The following ANO10 variants were observed in gnomAD, a reference collection of about 807,000 sequenced individuals.
The protein encoded by ANO10 is anoctamin-10.
A neutral mutation model predicts 74.7 loss-of-function variants in ANO10; 77 were observed. That is an observed-to-expected ratio of 1.03 (90% CI 0.86 to 1.25). The LOEUF is 1.25. Ranked by LOEUF, ANO10 falls within the 50% of genes most tolerant of loss-of-function variation. The pLI, the probability that ANO10 is intolerant of heterozygous loss-of-function variation, is 0.00. For missense variants in ANO10, 721 were observed against 778.1 expected, an observed-to-expected ratio of 0.93 and a Z score of 0.87; for synonymous variants, 279 against 284.9, an observed-to-expected ratio of 0.98 and a Z score of 0.21.
At chr3:43,594,865 G>A (rs1249868763) in intron 4 of ANO10, among the ~76,000 whole-genome samples, 2 of 152,056 alleles carry the variant, frequency 1.3e-5, no homozygotes, top group African/African-American at 4.8e-5. Context: ...TAGACCGCTA[G>A]CAAGACTAAT....
chr3:43,381,283 G>T (rs1002655341), intron 12 of ANO10, among the ~76,000 whole-genome samples: 10 of 152,140 alleles, frequency 6.6e-5, no homozygotes, highest in African/African-American at 2.4e-4. Context: ...GAAGGGAAAA[G>T]AATTCACCAA....
chr3:43,456,775 C>T (rs768559776), intron 11 of ANO10, among the ~76,000 whole-genome samples: 3 of 152,078 alleles, frequency 2.0e-5, no homozygotes, highest in Non-Finnish European at 4.4e-5. Context: ...AAGGTGTCTG[C>T]GACATGAAGC....
At chr3:43,522,835 A>T (rs528693747) in intron 11 of ANO10, among the ~76,000 whole-genome samples, 2 of 152,354 alleles carry the variant, frequency 1.3e-5, no homozygotes, top group South Asian at 4.1e-4. Context: ...CCATTGGCAT[A>T]GCACTGCCAC....
At chr3:43,498,452 C>A (rs1350561851) in intron 11 of ANO10, among the ~76,000 whole-genome samples, 2 of 152,182 alleles carry the variant, frequency 1.3e-5, no homozygotes, top group African/African-American at 4.8e-5. Flanking sequence ...GTGTTACCTA[C>A]CAATTGTGTC....
rs187550221 is a variant in ANO10 at position 43,462,924 on chromosome 3, C to G, written c.1798-30197G>C. Among the ~76,000 whole-genome samples the G allele has an allele frequency of 2.4e-3, 371 of 152,326 alleles. 2 individuals are homozygous for G. The highest frequency in any genetic ancestry group is 0.017 in the Middle Eastern group (5 of 294). ...GCAAGCCCCAAGCCTTGGCACCTTC[C>G]ACGTGGTGTTGAGGCTGTGAGCACA... On this transcript the variant is annotated intron_variant, in intron 11 of 12. Coordinates refer to ENST00000292246, the MANE Select transcript of ANO10 (RefSeq NM_018075.5).
At chr3:43,414,775 T>C (rs1022511552) in intron 12 of ANO10, among the ~76,000 whole-genome samples, 1 of 152,138 alleles carries the variant, frequency 6.6e-6, no homozygotes, top group Admixed American at 6.5e-5. Flanking sequence ...TCTCTAAGCA[T>C]GGAAATATTT....
At chr3:43,528,208 A>C in intron 11 of ANO10, among the ~76,000 whole-genome samples, 1 of 42,142 alleles carries the variant, frequency 2.4e-5, no homozygotes, top group Non-Finnish European at 8.2e-5. Flanking sequence ...GAAAAAAACG[A>C]AAAAAAAAAG....
intron 11 of ANO10, among the ~76,000 whole-genome samples, chr3:43,443,679 C>CTTTT (rs59685910): frequency 6.1e-4 from 74 of 121,990 alleles, no homozygotes; most frequent in African/African-American, 1.7e-3. Context: ...TTCCTTCCTT[C>CTTTT]TTTTTTTTTT....
At chr3:43,548,101 C>G (rs886585916) in intron 11 of ANO10, among the ~76,000 whole-genome samples, 1 of 152,188 alleles carries the variant, frequency 6.6e-6, no homozygotes, top group Non-Finnish European at 1.5e-5. Context: ...TCCACTGTTA[C>G]GGTATTGGTA....
rs140780344 is a variant in ANO10, at chr3:43,477,056, G to A, written c.1798-44329C>T. On this transcript the variant is annotated intron_variant, in intron 11 of 12. Transcript: ENST00000292246. Reference sequence around the variant, plus strand: ...ATAAAGACAAAGAATATACAGAAAAGATCTTCCATCCATTCCTGCTCTGCA... The same window carrying A: ...ATAAAGACAAAGAATATACAGAAAAAATCTTCCATCCATTCCTGCTCTGCA... Among the ~76,000 whole-genome samples the A allele has an allele frequency of 1.1e-3, 162 of 152,204 alleles. 1 individual carries two copies. The highest frequency in any genetic ancestry group is 3.7e-3 in the African/African-American group (153 of 41,528).
At chr3:43,484,468 C>G (rs544653490) in intron 11 of ANO10, among the ~76,000 whole-genome samples, 1 of 152,152 alleles carries the variant, frequency 6.6e-6, no homozygotes, top group African/African-American at 2.4e-5. Flanking sequence ...AAATTCCCCC[C>G]ACAAGAGACA....
upstream of ANO10, among the ~76,000 whole-genome samples, chr3:43,624,019 T>C (rs1469114158): frequency 6.6e-6 from 1 of 152,208 alleles, no homozygotes; most frequent in Non-Finnish European, 1.5e-5. Context: ...CTGGAGGAAT[T>C]AGGAAGAAAA....
At chr3:43,567,441 G>A (rs949441180) in intron 7 of ANO10, among the ~76,000 whole-genome samples, 2 of 152,004 alleles carry the variant, frequency 1.3e-5, no homozygotes, top group Non-Finnish European at 2.9e-5. Context: ...GAGAAAGGTC[G>A]GGTTACCCTT....
chr3:43,462,941 G>C (rs984780077), intron 11 of ANO10, among the ~76,000 whole-genome samples: 1 of 152,252 alleles, frequency 6.6e-6, no homozygotes, highest in Non-Finnish European at 1.5e-5. Flanking sequence ...TGTTGAGGCT[G>C]TGAGCACACA....
At chr3:43,570,451 C>A (rs1464846740) in intron 7 of ANO10, among the ~76,000 whole-genome samples, 46 of 151,630 alleles carry the variant, frequency 3.0e-4, no homozygotes, top group African/African-American at 4.8e-4. Context: ...AGGCTACAGT[C>A]ACCAAAACAG....
intron 11 of ANO10, among the ~76,000 whole-genome samples, chr3:43,535,292 G>C (rs1467104902): frequency 4.7e-5 from 5 of 107,060 alleles, no homozygotes; most frequent in Non-Finnish European, 7.9e-5. Flanking sequence ...TTTTTTTGAA[G>C]GGGGGAAGAG....
intron 12 of ANO10, among the ~76,000 whole-genome samples, chr3:43,423,514 G>A (rs1230644751): frequency 6.6e-6 from 1 of 152,180 alleles, no homozygotes; most frequent in Non-Finnish European, 1.5e-5. Flanking sequence ...CAAATGAACA[G>A]AAATGGGCAC....
At chr3:43,382,730 C>T (rs2125699453) in intron 12 of ANO10, among the ~76,000 whole-genome samples, 1 of 150,220 alleles carries the variant, frequency 6.7e-6, no homozygotes, top group African/African-American at 2.5e-5. Flanking sequence ...AAAGATCATT[C>T]AGGCTACTAT....
chr3:43,522,447 C>T lies in ANO10; in HGVS notation c.1797+27273G>A, dbSNP rs75623826. Among the ~76,000 whole-genome samples, 1,346 of 152,258 alleles carry T rather than the reference C, an allele frequency of 8.8e-3. 21 individuals carry two copies. Among genetic ancestry groups the T allele is most frequent in the African/African-American group, 0.03 (1,228 of 41,550 alleles). ...CCCTGTGACTTTCATCATGTCATTG[C>T]ATATATAGCACAAGATCCTCCTAAG... On this transcript the variant is annotated intron_variant, in intron 11 of 12. Coordinates refer to ENST00000292246, the MANE Select transcript of ANO10 (RefSeq NM_018075.5).
Sources: gnomAD v4.1 joint callset for allele counts (sites outside exome capture counted in the v4.1 genomes callset) on GRCh38, gnomAD v4.1.1 for gene constraint, MANE v1.5 for transcripts, NCBI Gene and HGNC (gene_info 2026-07-23, HGNC 2026-07-21) for gene names.